YIPF3: variants seen among roughly 807,000 people sequenced by gnomAD.
YIPF3 encodes the protein protein YIPF3.
YIPF3 carries 18 observed loss-of-function variants against 40.3 expected under a neutral mutation model. That is an observed-to-expected ratio of 0.45 (90% CI 0.31 to 0.66). The LOEUF is 0.66. YIPF3 is among the 30% of genes least tolerant of loss of function. YIPF3 has a pLI of 0.07. For missense variants in YIPF3, 406 were observed against 452.2 expected, an observed-to-expected ratio of 0.90 and a Z score of 0.93; for synonymous variants, 190 against 179.6, an observed-to-expected ratio of 1.06 and a Z score of -0.46.
chr6:43,513,001 A>G, intron 6 of YIPF3, 68 bp downstream of exon 6: 3 of 1,602,756 alleles, frequency 1.9e-6, no homozygotes, highest in South Asian at 1.1e-5. Context: ...GGGCCCCAGG[A>G]CAGATGCCGA....
At position 43,513,264 on chromosome 6, in the gene YIPF3, C is replaced by T. The variant is rs1792708502; in HGVS notation, c.535-64G>A. ...TGATCTCAGCCTCACCTAGGGCCTT[C>T]CGCAGGGGCTGTTCCTGTCTCACTC... is the stretch of plus-strand genomic sequence containing the variant. On this transcript the variant is annotated intron_variant, in intron 5 of 8. Transcript: ENST00000372422. 5.0e-6 allele frequency: 8 copies of T among 1,612,956 alleles called. No individual in the cohort carries two copies. The Admixed American group carries it at 8.3e-5, about 17-fold the overall frequency.
Position 43,512,755 on chromosome 6 carries a change from GC to G in YIPF3, c.780+5del. On this transcript the variant is annotated splice_donor_5th_base_variant and intron_variant, in intron 7 of 8. Transcript: ENST00000372422. ...CCCACCCCTGGAAGCCTCTTGCCCA[GC>G]TTACCATGCGCAGTGTGGACAGTCC... 2 of 1,611,696 alleles carry G rather than the reference GC, an allele frequency of 1.2e-6. No individual in the cohort carries two copies. The highest frequency in any genetic ancestry group is 1.7e-6 in the Non-Finnish European group (2 of 1,179,124).
chr6:43,513,171 A>G lies in YIPF3; in HGVS notation c.564T>C (p.Ile188=). 6.2e-7 allele frequency: 1 copy of G among 1,614,194 alleles called. No individual in the cohort carries two copies. Among genetic ancestry groups the G allele is most frequent in the Non-Finnish European group, 8.5e-7 (1 of 1,180,028 alleles). Residue 188 remains isoleucine (I), a synonymous_variant, in exon 6 of 9, where the codon ATT becomes ATC. Transcript: ENST00000372422. ...CCAGCCAGTAGCCGAAGCAGGTGCC[A>G]ATGGCTGTGCCCATCAGGGTGCCCT... ...IREGTLMGTA[I]GTCFGYWLGV...
intron 3 of YIPF3, 100 bp downstream of exon 3, chr6:43,515,495 G>T: frequency 8.6e-7 from 1 of 1,157,828 alleles, no homozygotes; most frequent in Non-Finnish European, 1.3e-6. Context: ...GGGTCATGAA[G>T]ACGGGGAGCC....
At chr6:43,513,731 T>A in intron 3 of YIPF3, 98 bp from the exon 4 acceptor site, 2 of 1,244,164 alleles carry the variant, frequency 1.6e-6, no homozygotes, top group Non-Finnish European at 2.2e-6. Context: ...CTCCAGGGAA[T>A]GGGGCCTGGC....
chr6:43,511,865 T>G lies in YIPF3; in HGVS notation c.*302A>C, dbSNP rs1318953597. 3.7e-5 allele frequency: 14 copies of G among 377,320 alleles called. No individual in the cohort carries two copies. The Middle Eastern group carries it at 3.7e-3, about 100-fold the overall frequency. The allele number at this position is 377,320 out of a possible 1,614,324, so 23.4% of individuals were successfully genotyped here. A position where few individuals can be genotyped will look rare whatever the true frequency, so the allele number is the denominator to read the frequency against. ...TTCAATCAACATTTTAATTACCAAG[T>G]CTATATTTAGCAAGACAATGTGGGA... On this transcript the variant is annotated 3_prime_UTR_variant, in exon 9 of 9. Coordinates refer to ENST00000372422, the MANE Select transcript of YIPF3 (RefSeq NM_015388.4).
Position 43,511,990 on chromosome 6 carries a change from T to C in YIPF3, c.*177A>G, listed in dbSNP as rs914983958. The stretch of plus-strand genomic sequence containing the variant: ...GAGCCTTGCAGTCCTGGCCAGGAGT[T>C]CTTGGCCTTGTGCCTTTCAGAAGTG... On this transcript the variant is annotated 3_prime_UTR_variant, in exon 9 of 9. Coordinates refer to ENST00000372422, the MANE Select transcript of YIPF3 (RefSeq NM_015388.4). The C allele has an allele frequency of 5.2e-5, 54 of 1,030,710 alleles. No homozygotes were observed. Among genetic ancestry groups the C allele is most frequent in the Non-Finnish European group, 6.7e-5 (48 of 719,972 alleles). 63.8% of individuals were successfully genotyped at this position (1,030,710 alleles called of 1,614,324 possible).
Position 43,516,747 on chromosome 6 carries a change from C to G in YIPF3, c.61G>C (p.Gly21Arg). ...ARNGAGPEWGGFEENIQGGGS... is the reference protein window; with the variant it reads ...ARNGAGPEWGRFEENIQGGGS... ...ATTACCTGGATGTTTTCTTCGAACCCTCCCCATTCCGGGCCAGCTCCATTT... is the reference window on the plus strand; with the variant it reads ...ATTACCTGGATGTTTTCTTCGAACCGTCCCCATTCCGGGCCAGCTCCATTT... The change falls in exon 1 of 9, where the codon GGG (glycine) becomes CGG (arginine). Residue 21 changes from glycine (G) to arginine (R), a missense_variant. Coordinates refer to ENST00000372422, the MANE Select transcript of YIPF3 (RefSeq NM_015388.4). 2 of 1,609,978 alleles carry G rather than the reference C, an allele frequency of 1.2e-6. No homozygotes were observed. The highest frequency in any genetic ancestry group is 1.7e-6 in the Non-Finnish European group (2 of 1,178,346).
intron 1 of YIPF3, 23 bp downstream of exon 1, chr6:43,516,704 A>C: frequency 6.2e-7 from 1 of 1,611,784 alleles, no homozygotes. Flanking sequence ...GGCTGCTGGC[A>C]GCTGGTGCCT....
chr6:43,512,263 G>A lies in YIPF3; in HGVS notation c.957C>T (p.Pro319=). The A allele has an allele frequency of 6.2e-7, 1 of 1,613,206 alleles. No homozygotes were observed. Among genetic ancestry groups the A allele is most frequent in the Non-Finnish European group, 8.5e-7 (1 of 1,179,488 alleles). Residue 319 remains proline, a synonymous_variant, in exon 9 of 9, where the codon CCC becomes CCT. Coordinates refer to ENST00000372422, the MANE Select transcript of YIPF3 (RefSeq NM_015388.4). ...GPNIPPIQRV[P]RDIPAMLPAA... is the part of the protein sequence containing the mutation. ...CAGGGAGCATGGCAGGGATGTCTCTGGGGACCCTCTGGATGGGCGGGATGT... is the reference window on the plus strand; with the variant it reads ...CAGGGAGCATGGCAGGGATGTCTCTAGGGACCCTCTGGATGGGCGGGATGT...
intron 6 of YIPF3, 22 bp from the exon 7 acceptor site, chr6:43,512,896 A>G (rs1208365955): frequency 1.9e-6 from 3 of 1,609,974 alleles, no homozygotes; most frequent in Non-Finnish European, 2.5e-6. Flanking sequence ...GATGGTGGAG[A>G]GGAAAATCAT....
chr6:43,516,192 T>TG (rs1444356229), intron 1 of YIPF3, 97 bp from the exon 2 acceptor site: 1 of 1,555,386 alleles, frequency 6.4e-7, no homozygotes, highest in Admixed American at 1.9e-5. Flanking sequence ...CTTCCACTGC[T>TG]GAGGATACGG....
chr6:43,513,660 C>T (rs1792716254), intron 3 of YIPF3, 27 bp from the exon 4 acceptor site: 1 of 1,529,906 alleles, frequency 6.5e-7, no homozygotes, highest in East Asian at 2.3e-5. Context: ...GAGATTAAAG[C>T]AAAGGCAGCA....
Position 43,512,559 on chromosome 6 carries a change from G to A in YIPF3, c.785C>T (p.Ala262Val). ...GCCCACGGTCCGAGACACCAACACT[G>A]CTACCTAGGACCATGAGAATACAGC... ...VGGLSTLRMV[A>V]VLVSRTVGPT... Residue 262 changes from alanine to valine, a missense_variant, in exon 8 of 9, where the codon GCA (alanine) becomes GTA (valine). By Grantham distance (64) the Ala-to-Val change is moderately conservative. Coordinates refer to ENST00000372422, the MANE Select transcript of YIPF3 (RefSeq NM_015388.4). 6.2e-7 allele frequency: 1 copy of A among 1,610,444 alleles called. No homozygotes were observed. Among genetic ancestry groups the A allele is most frequent in the Non-Finnish European group, 8.5e-7 (1 of 1,179,116 alleles).
rs767733502 is a variant in YIPF3, at chr6:43,512,815, G to A, written c.726C>T (p.His242=). Residue 242 remains histidine (H), a synonymous_variant, in exon 7 of 9, where the codon CAC becomes CAT. Coordinates refer to ENST00000372422, the MANE Select transcript of YIPF3 (RefSeq NM_015388.4). ...VLFITYNIHL[H]ALFYLFWLLV... is the part of the protein sequence containing the mutation. Reference sequence around the variant, plus strand: ...ACAGCCAGAAGAGGTAGAAGAGGGCGTGGAGGTGGATATTATAGGTGATGA... The same window carrying A: ...ACAGCCAGAAGAGGTAGAAGAGGGCATGGAGGTGGATATTATAGGTGATGA... 24 of 1,613,992 alleles carry A rather than the reference G, an allele frequency of 1.5e-5. No homozygotes were observed. Among genetic ancestry groups the A allele is most frequent in the East Asian group, 4.5e-5 (2 of 44,886 alleles).
chr6:43,516,073 T>A lies in YIPF3; in HGVS notation c.104A>T (p.Asp35Val), dbSNP rs1792818054. ...TGAGGTATCATCCATGTTCTCCATG[T>A]CAATCACAGCTGAGCCTCCGCCCTG... ...NIQGGGSAVI[D>V]MENMDDTSGS... is the part of the protein sequence containing the mutation. Residue 35 changes from aspartate (D) to valine (V), a missense_variant, in exon 2 of 9, where the codon GAC (aspartate) becomes GTC (valine). By Grantham distance (152) the Asp-to-Val change is radical. Transcript: ENST00000372422. 6.2e-7 allele frequency: 1 copy of A among 1,614,154 alleles called. No homozygotes were observed. Among genetic ancestry groups the A allele is most frequent in the African/African-American group, 1.3e-5 (1 of 74,954 alleles).
In YIPF3 at chr6:43,513,346, C is replaced by G; in HGVS notation, c.534+13G>C. On this transcript the variant is annotated intron_variant, in intron 5 of 8. Coordinates refer to ENST00000372422, the MANE Select transcript of YIPF3 (RefSeq NM_015388.4). Reference sequence around the variant, plus strand: ...AGTGCAGCCACCCCCCCAAAGTTGTCTGTCCTGCTTACGATAATAGTGTCA... The same window carrying G: ...AGTGCAGCCACCCCCCCAAAGTTGTGTGTCCTGCTTACGATAATAGTGTCA... The G allele has an allele frequency of 6.2e-7, 1 of 1,614,150 alleles. No individual in the cohort carries two copies. Among genetic ancestry groups the G allele is most frequent in the Non-Finnish European group, 8.5e-7 (1 of 1,179,994 alleles).
At position 43,516,553 on chromosome 6, in the gene YIPF3, A is replaced by C. The variant is rs1020550628; in HGVS notation, c.81+174T>G. 3 of 742,724 alleles carry C rather than the reference A, an allele frequency of 4.0e-6. No homozygotes were observed. The African/African-American group carries it at 5.3e-5, about 13-fold the overall frequency. 46.0% of individuals were successfully genotyped at this position (742,724 alleles called of 1,614,324 possible). On this transcript the variant is annotated intron_variant, in intron 1 of 8. Coordinates refer to ENST00000372422, the MANE Select transcript of YIPF3 (RefSeq NM_015388.4). The stretch of plus-strand genomic sequence containing the variant: ...CCCGAGATCCTCAGGCTGGAGTAGT[A>C]GTCTGGCCCTTTCAGGTCAATGTTA...
rs1792699431 is a variant in YIPF3, at chr6:43,512,776, C to T, written c.765G>A (p.Leu255=). 2 of 1,613,496 alleles carry T rather than the reference C, an allele frequency of 1.2e-6. No homozygotes were observed. The highest frequency in any genetic ancestry group is 1.3e-5 in the African/African-American group (1 of 74,922). ...FYLFWLLVGG[L]STLRMVAVLV... ...CCCAGCTTACCATGCGCAGTGTGGA[C>T]AGTCCACCCACCAACAGCCAGAAGA... is the stretch of plus-strand genomic sequence containing the variant. The change falls in exon 7 of 9, where the codon CTG becomes CTA. Residue 255 remains leucine, a synonymous_variant. Transcript: ENST00000372422.
Sources: allele counts gnomAD v4.1 joint callset, GRCh38; gene constraint gnomAD v4.1.1; transcripts MANE v1.5; gene names NCBI Gene and HGNC (gene_info 2026-07-23, HGNC 2026-07-21).